The following SMG6 variants were observed in gnomAD, a reference collection of about 807,000 sequenced individuals.
The protein encoded by SMG6 is SMG6 nonsense mediated mRNA decay factor.
SMG6 carries 66 observed loss-of-function variants against 142.2 expected under a neutral mutation model. The observed-to-expected ratio is 0.46, with a 90% CI of 0.38 to 0.57. The LOEUF is 0.57. SMG6 is among the 20% of genes least tolerant of loss of function. The pLI is 0.00. For synonymous variants in SMG6, 779 were observed against 702.4 expected, an observed-to-expected ratio of 1.11 and a Z score of -1.72; for missense variants, 1,793 against 1,832.0, an observed-to-expected ratio of 0.98 and a Z score of 0.39.
chr17:2,139,899 T>C (rs2070423535), intron 13 of SMG6, among the ~76,000 whole-genome samples: 2 of 151,820 alleles, frequency 1.3e-5, no homozygotes, highest in Admixed American at 1.3e-4. Context: ...CTAATTTTTG[T>C]ATTTTTAGTA....
chr17:2,078,776 G>T (rs1266526711), intron 15 of SMG6, among the ~76,000 whole-genome samples: 1 of 152,186 alleles, frequency 6.6e-6, no homozygotes, highest in Admixed American at 6.5e-5. Context: ...AAGCCCAGGA[G>T]GGTGGTCTGG....
At chr17:2,156,112 GGGTGCCGT>G (rs1487317322) in intron 13 of SMG6, among the ~76,000 whole-genome samples, 1 of 150,038 alleles carries the variant, frequency 6.7e-6, no homozygotes, top group Non-Finnish European at 1.5e-5. Flanking sequence ...AGCTCAGGCC[GGGTGCCGT>G]GGTTCACGCC....
chr17:2,064,181 A>G (rs1411213588), intron 18 of SMG6, among the ~76,000 whole-genome samples: 1 of 152,214 alleles, frequency 6.6e-6, no homozygotes, highest in African/African-American at 2.4e-5. Flanking sequence ...GGCAATGACA[A>G]GAGACCACTT....
chr17:2,066,558 C>A (rs1474268543), intron 16 of SMG6, among the ~76,000 whole-genome samples: 2 of 151,386 alleles, frequency 1.3e-5, no homozygotes, highest in Non-Finnish European at 2.9e-5. Context: ...ATTCATGGCT[C>A]AGGGAGCCGG....
chr17:2,268,948 T>C (rs969432595), intron 8 of SMG6, among the ~76,000 whole-genome samples: 22 of 146,144 alleles, frequency 1.5e-4, no homozygotes, highest in African/African-American at 5.6e-4. Context: ...CTCACGCCTG[T>C]AATCCCAGCA....
chr17:2,122,037 T>C lies in SMG6; in HGVS notation c.3358-36136A>G, dbSNP rs535343946. On this transcript the variant is annotated intron_variant, in intron 13 of 18. Transcript: ENST00000263073. Reference sequence around the variant, plus strand: ...TTAGTAGAGACGGGGTTTCACCATGTTGGCCAGGATGGTCTCGAACTCCTG... The same window carrying C: ...TTAGTAGAGACGGGGTTTCACCATGCTGGCCAGGATGGTCTCGAACTCCTG... Among the ~76,000 whole-genome samples the C allele has an allele frequency of 1.9e-4, 29 of 152,282 alleles. No homozygotes were observed. In the South Asian group the frequency reaches 6.0e-3, roughly 32 times the overall value.
At position 2,061,182 on chromosome 17, in the gene SMG6, C is replaced by T. The variant is rs943326157; in HGVS notation, c.*310G>A. Reference sequence around the variant, plus strand: ...GCCCTCCCTCAGCCTTGGAATGAGACGGGGGAGGGAGAAAGGCTGAGAGCA... The same window carrying T: ...GCCCTCCCTCAGCCTTGGAATGAGATGGGGGAGGGAGAAAGGCTGAGAGCA... On this transcript the variant is annotated 3_prime_UTR_variant, in exon 19 of 19. Coordinates refer to ENST00000263073, the MANE Select transcript of SMG6 (RefSeq NM_017575.5). 26 of 291,320 alleles carry T rather than the reference C, an allele frequency of 8.9e-5. No individual in the cohort carries two copies. Among genetic ancestry groups the T allele is most frequent in the Middle Eastern group, 1.2e-3 (1 of 864 alleles). The allele number at this position is 291,320 out of a possible 1,614,324, so 18.0% of individuals were successfully genotyped here. A position where few individuals can be genotyped will look rare whatever the true frequency, so the allele number is the denominator to read the frequency against.
chr17:2,297,166 G>T, intron 4 of SMG6, 77 bp downstream of exon 4: 1 of 1,005,088 alleles, frequency 9.9e-7, no homozygotes, highest in Non-Finnish European at 1.5e-6. Flanking sequence ...CCAGTACAGT[G>T]TCTAGCACAT....
chr17:2,164,882 A>G (rs1157438654), intron 13 of SMG6, among the ~76,000 whole-genome samples: 2 of 152,138 alleles, frequency 1.3e-5, no homozygotes, highest in Non-Finnish European at 2.9e-5. Context: ...GGTTACAGTG[A>G]GCCAAGACTA....
At chr17:2,129,733 G>A (rs1406665105) in intron 13 of SMG6, among the ~76,000 whole-genome samples, 1 of 129,622 alleles carries the variant, frequency 7.7e-6, no homozygotes, top group Non-Finnish European at 1.6e-5. Flanking sequence ...GGTGGAGGTT[G>A]CAATGAGCTG....
chr17:2,217,900 C>T lies in SMG6; in HGVS notation c.2869+18592G>A, dbSNP rs534208275. On this transcript the variant is annotated intron_variant, in intron 10 of 18. Transcript: ENST00000263073. Reference sequence around the variant, plus strand: ...TGGCGCACACCTGTAGTCCCAGCTACTCGGGAGGGCGAGACAGGAGAATCG... The same window carrying T: ...TGGCGCACACCTGTAGTCCCAGCTATTCGGGAGGGCGAGACAGGAGAATCG... Among the ~76,000 whole-genome samples the T allele has an allele frequency of 5.3e-4, 80 of 151,860 alleles. 1 individual carries two copies. The South Asian group carries it at 0.015, about 28-fold the overall frequency.
intron 6 of SMG6, among the ~76,000 whole-genome samples, chr17:2,285,819 G>A (rs1266097524): frequency 6.6e-6 from 1 of 152,076 alleles, no homozygotes; most frequent in Non-Finnish European, 1.5e-5. Flanking sequence ...GACTACAGGT[G>A]TGTGCTGCCA....
At chr17:2,172,433 C>T (rs1309752000) in intron 13 of SMG6, among the ~76,000 whole-genome samples, 1 of 151,802 alleles carries the variant, frequency 6.6e-6, no homozygotes, top group Non-Finnish European at 1.5e-5. Context: ...ATCGTATATA[C>T]AACATGCCAG....
chr17:2,092,136 C>G lies in SMG6; in HGVS notation c.3358-6235G>C, dbSNP rs568268502. Among the ~76,000 whole-genome samples, 130 of 152,294 alleles carry G rather than the reference C, an allele frequency of 8.5e-4. 1 individual carries two copies. Among genetic ancestry groups the G allele is most frequent in the South Asian group, 6.4e-3 (31 of 4,826 alleles). On this transcript the variant is annotated intron_variant, in intron 13 of 18. Coordinates refer to ENST00000263073, the MANE Select transcript of SMG6 (RefSeq NM_017575.5). ...GAGTAGCTGGGATTACAGGTGCGCA[C>G]TACCATGCCTGGCTAATTTATGTAT...
intron 6 of SMG6, 64 bp from the exon 7 acceptor site, chr17:2,283,799 C>T: frequency 7.7e-7 from 1 of 1,302,266 alleles, no homozygotes; most frequent in Non-Finnish European, 1.1e-6. Context: ...CAAGAGGCAG[C>T]TGACTCAGGA....
chr17:2,247,761 G>A (rs191938551), intron 8 of SMG6, among the ~76,000 whole-genome samples: 1 of 151,370 alleles, frequency 6.6e-6, no homozygotes, highest in Non-Finnish European at 1.5e-5. Flanking sequence ...CCAGCCTAGG[G>A]GACAGAATGA....
At chr17:2,106,581 C>T (rs546002417) in intron 13 of SMG6, among the ~76,000 whole-genome samples, 13 of 152,194 alleles carry the variant, frequency 8.5e-5, no homozygotes, top group South Asian at 4.1e-4. Context: ...GGAATAACTC[C>T]GAGGACAAGG....
intron 8 of SMG6, among the ~76,000 whole-genome samples, chr17:2,252,393 C>G (rs551404033): frequency 9.1e-6 from 1 of 109,320 alleles, no homozygotes; most frequent in Non-Finnish European, 2.1e-5. Flanking sequence ...AGCAAGACTC[C>G]AACTCAAAAA....
chr17:2,067,080 C>G (rs2067973409), intron 16 of SMG6, among the ~76,000 whole-genome samples: 1 of 152,212 alleles, frequency 6.6e-6, no homozygotes, highest in South Asian at 2.1e-4. Flanking sequence ...CAGGAGCCTG[C>G]CCAGCTGAGG....
Sources: allele counts gnomAD v4.1 joint callset (sites outside exome capture counted in the v4.1 genomes callset), GRCh38; gene constraint gnomAD v4.1.1; transcripts MANE v1.5; gene names NCBI Gene and HGNC (gene_info 2026-07-23, HGNC 2026-07-21).